Variants in TTC21B observed in about 807,000 individuals in gnomAD.
The protein encoded by TTC21B is tetratricopeptide repeat domain 21B.
In TTC21B, 127 loss-of-function variants were observed where a neutral mutation model predicts 175.1. The observed-to-expected ratio is 0.73, with a 90% confidence interval of 0.63 to 0.84. The LOEUF (loss-of-function observed/expected upper bound fraction) is 0.84, where lower values mean the gene tolerates loss of function less well. Among genes scored for constraint, TTC21B ranks in the 40% least tolerant of loss-of-function variants. TTC21B has a pLI of 0.00. For missense variants in TTC21B, 1,561 were observed against 1,558.3 expected, an observed-to-expected ratio of 1.00 and a Z score of -0.03; for synonymous variants, 524 against 524.5, an observed-to-expected ratio of 1.00 and a Z score of 0.01.
In TTC21B at chr2:165,890,507, C is replaced by T; in HGVS notation, c.3235G>A (p.Val1079Ile). Residue 1079 changes from valine (V) to isoleucine (I), a missense_variant, in exon 24 of 29, where the codon GTA becomes ATA. Physicochemically the swap from Val to Ile is conservative, Grantham distance 29. Transcript: ENST00000243344. ...NPDNETVGGE[V>I]FENLDGDLGN... ...AGGTCTCCATCCAGGTTTTCAAATA[C>T]TTCACCTCCAACAGTTTCATTATCT... 1 of 1,613,548 alleles carries T rather than the reference C, an allele frequency of 6.2e-7. No homozygotes were observed. Among genetic ancestry groups the T allele is most frequent in the Non-Finnish European group, 8.5e-7 (1 of 1,179,676 alleles).
At chr2:165,879,927 T>C (rs1574060491) in intron 27 of TTC21B, 2 of 152,246 alleles carry the variant, frequency 1.3e-5, no homozygotes, top group African/African-American at 4.8e-5. Context: ...AGACAAGTCC[T>C]AGGACACAGG....
At chr2:165,899,710 TA>T in intron 21 of TTC21B, 59 bp downstream of exon 21, 1 of 1,134,042 alleles carries the variant, frequency 8.8e-7, no homozygotes, top group Non-Finnish European at 1.3e-6. Context: ...TTCCATGGGG[TA>T]AAATTTAAAA....
In TTC21B at chr2:165,873,551, G is replaced by A. The variant is rs1396071128; in HGVS notation, c.*1204C>T. On this transcript the variant is annotated 3_prime_UTR_variant, in exon 29 of 29. Coordinates refer to ENST00000243344, the MANE Select transcript of TTC21B (RefSeq NM_024753.5). ...CCAGGGTGCTGTTAAACAGAGCTGG[G>A]TAAACCGTTGCCTTCACATGGTGTG... 1 of 152,160 alleles carries A rather than the reference G, an allele frequency of 6.6e-6. No homozygotes were observed. The highest frequency in any genetic ancestry group is 1.5e-5 in the Non-Finnish European group (1 of 68,024). The allele number at this position is 152,160 out of a possible 1,614,324, so 9.4% of individuals were successfully genotyped here.
At chr2:165,939,946 C>T (rs1370817586) in intron 6 of TTC21B, among the ~76,000 whole-genome samples, 1 of 152,126 alleles carries the variant, frequency 6.6e-6, no homozygotes, top group Non-Finnish European at 1.5e-5. Context: ...GTACCTTAGT[C>T]CACTCAGCTG....
intron 10 of TTC21B, 86 bp downstream of exon 10, chr2:165,929,564 G>T: frequency 9.8e-7 from 1 of 1,022,976 alleles, no homozygotes; most frequent in Non-Finnish European, 1.5e-6. Flanking sequence ...GTGCTTTACA[G>T]CCATTACAAA....
At chr2:165,925,395 A>G (rs974693380) in intron 11 of TTC21B, among the ~76,000 whole-genome samples, 1 of 152,188 alleles carries the variant, frequency 6.6e-6, no homozygotes, top group African/African-American at 2.4e-5. Flanking sequence ...ACAATTTAGT[A>G]ATGTGATATC....
rs1686133539 is a variant in TTC21B, at chr2:165,915,456, A to G, written c.1900-17T>C. On this transcript the variant is annotated splice_polypyrimidine_tract_variant and intron_variant, in intron 14 of 28. Transcript: ENST00000243344. ...TGCCTCATGCTGTAAAGATGAAATTAAAATAATCATTCTTCCAAAATAGTG... is the reference window on the plus strand; with the variant it reads ...TGCCTCATGCTGTAAAGATGAAATTGAAATAATCATTCTTCCAAAATAGTG... 6.3e-7 allele frequency: 1 copy of G among 1,579,390 alleles called. No individual in the cohort carries two copies. Among genetic ancestry groups the G allele is most frequent in the Non-Finnish European group, 8.7e-7 (1 of 1,148,314 alleles).
In TTC21B at chr2:165,927,169, C is replaced by T. The variant is rs1478248537; in HGVS notation, c.1386+1966G>A. On this transcript the variant is annotated intron_variant, in intron 11 of 28. Coordinates refer to ENST00000243344, the MANE Select transcript of TTC21B (RefSeq NM_024753.5). ...AGTTATATATATATATATATCCTAA[C>T]AGTTATATATATATATATCCTAGTA... 1.6e-4 allele frequency among the ~76,000 whole-genome samples: 4 copies of T among 24,482 alleles called. 1 individual carries two copies. The highest frequency in any genetic ancestry group is 4.2e-4 in the African/African-American group (4 of 9,506). The allele number at this position is 24,482 out of a possible 152,430, so 16.1% of individuals were successfully genotyped here.
In TTC21B at chr2:165,943,303, T is replaced by C. The variant is rs139457042; in HGVS notation, c.468A>G (p.Gly156=). Residue 156 remains glycine (G), a synonymous_variant, in exon 5 of 29, where the codon GGA becomes GGG. Coordinates refer to ENST00000243344, the MANE Select transcript of TTC21B (RefSeq NM_024753.5). ...GTGCTTTTTTAGTGTAAGGCTCTTT[T>C]CCTCTTGTAATATCAAGCCATGCTT... is the stretch of plus-strand genomic sequence containing the variant. ...VLKAWLDITR[G]KEPYTKKALK... is the part of the protein sequence containing the mutation. 2.1e-4 allele frequency: 340 copies of C among 1,611,174 alleles called. No individual in the cohort carries two copies. Among genetic ancestry groups the C allele is most frequent in the Admixed American group, 6.8e-4 (41 of 59,988 alleles).
chr2:165,943,129 A>C lies in TTC21B; in HGVS notation c.552+90T>G. Reference sequence around the variant, plus strand: ...TGACAACAGTATCATGAAAATTATCAACTTTTTTGAGCTACTTGGTTTTGT... The same window carrying C: ...TGACAACAGTATCATGAAAATTATCCACTTTTTTGAGCTACTTGGTTTTGT... On this transcript the variant is annotated intron_variant, in intron 5 of 28. Coordinates refer to ENST00000243344, the MANE Select transcript of TTC21B (RefSeq NM_024753.5). The C allele has an allele frequency of 2.2e-6, 3 of 1,355,066 alleles. No individual in the cohort carries two copies. The South Asian group carries it at 3.6e-5, about 16-fold the overall frequency. The allele number at this position is 1,355,066 out of a possible 1,614,324, so 83.9% of individuals were successfully genotyped here.
intron 1 of TTC21B, among the ~76,000 whole-genome samples, chr2:165,953,205 A>C (rs1687813203): frequency 6.6e-6 from 1 of 152,206 alleles, no homozygotes; most frequent in Admixed American, 6.5e-5. Flanking sequence ...TGAATGAATG[A>C]GTCAGTGATA....
At chr2:165,877,480 A>G (rs1409473626) in intron 27 of TTC21B, among the ~76,000 whole-genome samples, 3 of 152,158 alleles carry the variant, frequency 2.0e-5, no homozygotes, top group Admixed American at 6.5e-5. Flanking sequence ...ACATACACAC[A>G]TTGCTTATAG....
At chr2:165,922,543 C>A (rs186898584) in intron 12 of TTC21B, among the ~76,000 whole-genome samples, 1 of 128,544 alleles carries the variant, frequency 7.8e-6, no homozygotes. Context: ...TTACCACAGC[C>A]GGAATAGCCA....
chr2:165,953,752 C>A lies in TTC21B; in HGVS notation c.-47G>T, dbSNP rs574737266. 35 of 1,548,172 alleles carry A rather than the reference C, an allele frequency of 2.3e-5. No homozygotes were observed. The highest frequency in any genetic ancestry group is 3.9e-5 in the Admixed American group (2 of 50,946). On this transcript the variant is annotated 5_prime_UTR_variant, in exon 1 of 29. Coordinates refer to ENST00000243344, the MANE Select transcript of TTC21B (RefSeq NM_024753.5). ...CGGGGCTCTGGGGATTGTCTCGCCGCAGCCTAAAGGAAGACGCAGAATTCA... is the reference window on the plus strand; with the variant it reads ...CGGGGCTCTGGGGATTGTCTCGCCGAAGCCTAAAGGAAGACGCAGAATTCA...
At chr2:165,911,782 C>A (rs1037544980) in intron 17 of TTC21B, among the ~76,000 whole-genome samples, 8 of 152,034 alleles carry the variant, frequency 5.3e-5, no homozygotes, top group Non-Finnish European at 1.0e-4. Flanking sequence ...CCTGCCTCAG[C>A]CTCCCAAGTA....
At chr2:165,919,583 C>G in intron 12 of TTC21B, 150 bp from the exon 13 acceptor site, 1 of 806,372 alleles carries the variant, frequency 1.2e-6, no homozygotes, top group South Asian at 1.6e-5. Flanking sequence ...TTAATTCCAT[C>G]TGCACTAGTT....
At chr2:165,948,030 TCTAG>T (rs1687642039) in intron 3 of TTC21B, 1 of 152,214 alleles carries the variant, frequency 6.6e-6, no homozygotes, top group Non-Finnish European at 1.5e-5. Flanking sequence ...AATTTTCTGC[TCTAG>T]CTAAACACAC....
intron 12 of TTC21B, among the ~76,000 whole-genome samples, chr2:165,919,706 T>G (rs1197701894): frequency 6.6e-6 from 1 of 152,216 alleles, no homozygotes; most frequent in Non-Finnish European, 1.5e-5. Flanking sequence ...CTGGTGTTAC[T>G]GAGAGGCCAA....
chr2:165,905,135 CAAT>C (rs1048667957), intron 19 of TTC21B, among the ~76,000 whole-genome samples: 49 of 151,574 alleles, frequency 3.2e-4, no homozygotes, highest in African/African-American at 1.1e-3. Context: ...TGCATGACAA[CAAT>C]AATAGAAAAG....
Sources: gnomAD v4.1 joint callset for allele counts (sites outside exome capture counted in the v4.1 genomes callset) on GRCh38, gnomAD v4.1.1 for gene constraint, MANE v1.5 for transcripts, NCBI Gene and HGNC (gene_info 2026-07-23, HGNC 2026-07-21) for gene names.